DGKB: variants seen among roughly 807,000 people sequenced by gnomAD.
DGKB encodes 90 kDa diacylglycerol kinase.
In DGKB, 67 loss-of-function variants were observed where a neutral mutation model predicts 114.3. That is an observed-to-expected ratio of 0.59 (90% CI 0.48 to 0.72). The LOEUF (loss-of-function observed/expected upper bound fraction) is 0.72, where lower values mean the gene tolerates loss of function less well. Ranked by LOEUF, DGKB falls within the 30% of genes least tolerant of loss-of-function variation. The pLI, the probability that DGKB is intolerant of heterozygous loss-of-function variation, is 0.00. For synonymous variants in DGKB, 398 were observed against 323.1 expected, an observed-to-expected ratio of 1.23 and a Z score of -2.49; for missense variants, 907 against 975.2, an observed-to-expected ratio of 0.93 and a Z score of 0.93.
At chr7:14,409,209 G>A (rs1441516116) in intron 21 of DGKB, among the ~76,000 whole-genome samples, 5 of 152,012 alleles carry the variant, frequency 3.3e-5, no homozygotes, top group East Asian at 1.9e-4. Context: ...AAAACTCCAC[G>A]TGATGCTAAT....
intron 21 of DGKB, among the ~76,000 whole-genome samples, chr7:14,444,973 G>A (rs904282039): frequency 2.0e-5 from 3 of 151,764 alleles, no homozygotes; most frequent in African/African-American, 2.4e-5. Flanking sequence ...TAACTATTTA[G>A]TTACTAGTTC....
intron 2 of DGKB, among the ~76,000 whole-genome samples, chr7:14,770,489 T>C (rs1024808316): frequency 1.3e-5 from 2 of 152,138 alleles, no homozygotes; most frequent in African/African-American, 2.4e-5. Flanking sequence ...GTCAGAACTG[T>C]AGCAAATCTA....
At chr7:14,260,440 A>G (rs533924893) in intron 23 of DGKB, among the ~76,000 whole-genome samples, 4 of 152,170 alleles carry the variant, frequency 2.6e-5, no homozygotes, top group Non-Finnish European at 5.9e-5. Flanking sequence ...TTGAAATCAA[A>G]CCCTGCTGCT....
At chr7:14,500,829 C>A (rs149888376) in intron 20 of DGKB, among the ~76,000 whole-genome samples, 4 of 151,424 alleles carry the variant, frequency 2.6e-5, no homozygotes, top group Non-Finnish European at 1.5e-5. Context: ...TGTTGTATAG[C>A]GGTGAAATAT....
At chr7:14,275,464 A>AT (rs925232342) in intron 23 of DGKB, among the ~76,000 whole-genome samples, 2 of 152,010 alleles carry the variant, frequency 1.3e-5, no homozygotes, top group Non-Finnish European at 2.9e-5. Context: ...ATCTTTCCAC[A>AT]TTTTTTTTCC....
chr7:14,765,298 A>G (rs1836290774), intron 2 of DGKB, among the ~76,000 whole-genome samples: 1 of 151,986 alleles, frequency 6.6e-6, no homozygotes, highest in South Asian at 2.1e-4. Flanking sequence ...CCTGCTAAGC[A>G]TTTGGGATCA....
rs187780575 is a variant in DGKB, at chr7:14,681,378, G to A, written c.1035+1175C>T. Among the ~76,000 whole-genome samples the A allele has an allele frequency of 3.2e-4, 48 of 151,940 alleles. No individual in the cohort carries two copies. In the East Asian group the frequency reaches 7.9e-3, roughly 25 times the overall value. The stretch of plus-strand genomic sequence containing the variant: ...AAGGAAAGTACTTAATTGTATTTTT[G>A]AAAAGTAAGTCAGTTGTTTTTCTCA... On this transcript the variant is annotated intron_variant, in intron 12 of 25. Transcript: ENST00000402815.
At chr7:14,764,930 G>A (rs1836241762) in intron 2 of DGKB, among the ~76,000 whole-genome samples, 1 of 151,842 alleles carries the variant, frequency 6.6e-6, no homozygotes, top group Admixed American at 6.6e-5. Context: ...AGAGCCAGCA[G>A]CAGAAAATAA....
chr7:14,903,955 T>C (rs1156546179), upstream of DGKB, among the ~76,000 whole-genome samples: 1 of 152,138 alleles, frequency 6.6e-6, no homozygotes, highest in Non-Finnish European at 1.5e-5. Context: ...TTAACATCTC[T>C]CTGTCAGCTA....
intron 23 of DGKB, among the ~76,000 whole-genome samples, chr7:14,225,316 A>G (rs1484464585): frequency 6.6e-6 from 1 of 152,078 alleles, no homozygotes; most frequent in Non-Finnish European, 1.5e-5. Context: ...TGGGAGACTC[A>G]AGAGTTTTAA....
At chr7:14,306,314 C>T (rs532505542) in intron 23 of DGKB, among the ~76,000 whole-genome samples, 1 of 151,606 alleles carries the variant, frequency 6.6e-6, no homozygotes, top group African/African-American at 2.4e-5. Flanking sequence ...AAGAAAGGAA[C>T]AAAATAAAAA....
chr7:14,840,699 A>AACAC lies in DGKB; in HGVS notation c.70+491_70+494dup, dbSNP rs57577998. Reference sequence around the variant, plus strand: ...GACTCCCTGCTTCCTACTCTCTTTTAACACACACACACACACACACACACA... The same window carrying AACAC: ...GACTCCCTGCTTCCTACTCTCTTTTAACACACACACACACACACACACACACACA... On this transcript the variant is annotated intron_variant, in intron 2 of 25. Transcript: ENST00000402815. 8.9e-3 allele frequency among the ~76,000 whole-genome samples: 1,159 copies of AACAC among 130,256 alleles called. 10 individuals carry two copies. Among genetic ancestry groups the AACAC allele is most frequent in the African/African-American group, 0.013 (503 of 37,426 alleles). The allele number at this position is 130,256 out of a possible 152,430, so 85.5% of individuals were successfully genotyped here.
chr7:14,901,231 A>T (rs1390774671), intron 1 of DGKB, among the ~76,000 whole-genome samples: 1 of 152,146 alleles, frequency 6.6e-6, no homozygotes, highest in Non-Finnish European at 1.5e-5. Flanking sequence ...TATTCCAATG[A>T]CATTCTTGAC....
At chr7:14,274,969 GTGTGTT>G (rs1473529168) in intron 23 of DGKB, among the ~76,000 whole-genome samples, 28 of 146,484 alleles carry the variant, frequency 1.9e-4, no homozygotes, top group Non-Finnish European at 2.8e-4. Flanking sequence ...GTGTGTGTGT[GTGTGTT>G]TGTGTGTGCG....
chr7:14,910,513 A>C (rs889396661), intron 1 of DGKB, among the ~76,000 whole-genome samples: 3 of 152,130 alleles, frequency 2.0e-5, no homozygotes, highest in African/African-American at 4.8e-5. Flanking sequence ...TTTAGTGAGA[A>C]AAAATACTTT....
intron 21 of DGKB, among the ~76,000 whole-genome samples, chr7:14,460,206 C>G (rs935227046): frequency 6.6e-6 from 1 of 152,128 alleles, no homozygotes; most frequent in African/African-American, 2.4e-5. Flanking sequence ...GGCAAAATAT[C>G]AAGCTAGCAT....
intron 21 of DGKB, among the ~76,000 whole-genome samples, chr7:14,403,199 ACT>A (rs1823403497): frequency 6.6e-6 from 1 of 150,518 alleles, no homozygotes; most frequent in African/African-American, 2.4e-5. Flanking sequence ...TTGAACACAG[ACT>A]CTCTCTTTTA....
At chr7:14,682,488 A>T in intron 12 of DGKB, 65 bp downstream of exon 12, 1 of 1,086,118 alleles carries the variant, frequency 9.2e-7, no homozygotes, top group Non-Finnish European at 1.4e-6. Context: ...GGACTTTCAG[A>T]GAGTATGATA....
intron 2 of DGKB, among the ~76,000 whole-genome samples, chr7:14,831,513 A>G (rs996367702): frequency 1.3e-5 from 2 of 151,962 alleles, no homozygotes; most frequent in Non-Finnish European, 2.9e-5. Context: ...GATTCCCTAA[A>G]TTTGGGGATT....
Sources: gnomAD v4.1 joint callset for allele counts (sites outside exome capture counted in the v4.1 genomes callset) on GRCh38, gnomAD v4.1.1 for gene constraint, MANE v1.5 for transcripts, NCBI Gene and HGNC (gene_info 2026-07-23, HGNC 2026-07-21) for gene names.